Variants in MRPS15 observed in about 807,000 individuals in gnomAD.
MRPS15 encodes small ribosomal subunit protein uS15m.
MRPS15 carries 25 observed loss-of-function variants against 30.7 expected under a neutral mutation model. That is an observed-to-expected ratio of 0.81 (90% CI 0.59 to 1.14). The LOEUF (loss-of-function observed/expected upper bound fraction) is 1.14. MRPS15 is among the 50% of genes most tolerant of loss of function. MRPS15 has a pLI of 0.00. For synonymous variants in MRPS15, 124 were observed against 120.1 expected, an observed-to-expected ratio of 1.03 and a Z score of -0.21; for missense variants, 313 against 321.7, an observed-to-expected ratio of 0.97 and a Z score of 0.21.
At chr1:36,462,184 T>C in intron 2 of MRPS15, 21 bp from the exon 3 acceptor site, 2 of 1,590,360 alleles carry the variant, frequency 1.3e-6, no homozygotes, top group Non-Finnish European at 8.6e-7. Flanking sequence ...AATATGGGGA[T>C]AGAAAACACC....
At chr1:36,459,522 A>G (rs1209166005) in intron 5 of MRPS15, 1 of 152,224 alleles carries the variant, frequency 6.6e-6, no homozygotes, top group African/African-American at 2.4e-5. Context: ...TAATGCAGAA[A>G]CAGGTGAGGA....
intron 6 of MRPS15, 113 bp from the exon 7 acceptor site, chr1:36,456,491 T>TTCTGCAGA: frequency 1.0e-6 from 1 of 996,718 alleles, no homozygotes; most frequent in Non-Finnish European, 1.4e-6. Flanking sequence ...CTTATGCAAA[T>TTCTGCAGA]ATTAATGCAA....
intron 5 of MRPS15, among the ~76,000 whole-genome samples, chr1:36,460,207 C>T (rs1650067851): frequency 1.3e-5 from 2 of 152,184 alleles, no homozygotes; most frequent in Admixed American, 1.3e-4. Context: ...CGGGGTTTCA[C>T]CGTGTTAGCC....
chr1:36,461,229 C>T (rs748524384), intron 4 of MRPS15, 35 bp downstream of exon 4: 16 of 1,612,262 alleles, frequency 9.9e-6, no homozygotes, highest in Non-Finnish European at 1.4e-5. Context: ...GAGGAGAAGA[C>T]TGCGGGAGGC....
intron 5 of MRPS15, among the ~76,000 whole-genome samples, chr1:36,459,870 G>A (rs1650061640): frequency 6.6e-6 from 1 of 152,214 alleles, no homozygotes; most frequent in Non-Finnish European, 1.5e-5. Context: ...ACTGCACCCA[G>A]AGAGAGGGGG....
intron 3 of MRPS15, 29 bp downstream of exon 3, chr1:36,462,059 C>T (rs1650109567): frequency 6.3e-7 from 1 of 1,595,156 alleles, no homozygotes; most frequent in Non-Finnish European, 8.6e-7. Context: ...GGGCCCCCTG[C>T]CTCCTCTACT....
chr1:36,460,502 A>G (rs1279278327), intron 5 of MRPS15, among the ~76,000 whole-genome samples, 190 bp downstream of exon 5: 2 of 152,308 alleles, frequency 1.3e-5, no homozygotes, highest in East Asian at 3.9e-4. Flanking sequence ...ACACAGTGGT[A>G]CAAGGTCCAA....
intron 1 of MRPS15, 58 bp downstream of exon 1, chr1:36,464,088 C>A: frequency 6.3e-7 from 1 of 1,594,680 alleles, no homozygotes; most frequent in Non-Finnish European, 8.6e-7. Context: ...TTCCTTATTC[C>A]CTATCTTCGC....
At chr1:36,461,646 C>T (rs1286367940) in intron 3 of MRPS15, among the ~76,000 whole-genome samples, 1 of 152,148 alleles carries the variant, frequency 6.6e-6, no homozygotes, top group Non-Finnish European at 1.5e-5. Flanking sequence ...CTGACCAGCT[C>T]CCACCACACT....
chr1:36,463,869 G>A lies in MRPS15; in HGVS notation c.131-19C>T, dbSNP rs1650151334. ...AGGAGACCTACGCAGAAAAGAGAGG[G>A]CTGAGGACCATCTCCTTAAATAGCC... On this transcript the variant is annotated intron_variant, in intron 1 of 7. Transcript: ENST00000373116. 6.2e-7 allele frequency: 1 copy of A among 1,607,164 alleles called. No homozygotes were observed. The highest frequency in any genetic ancestry group is 1.1e-5 in the South Asian group (1 of 90,628).
intron 3 of MRPS15, among the ~76,000 whole-genome samples, chr1:36,461,709 T>A (rs1403138170): frequency 6.6e-6 from 1 of 152,232 alleles, no homozygotes; most frequent in Admixed American, 6.5e-5. Context: ...AGCCCTGGAT[T>A]CAAACTCTAG....
chr1:36,456,200 G>C lies in MRPS15; in HGVS notation c.623C>G (p.Ala208Gly). 6.2e-7 allele frequency: 1 copy of C among 1,610,776 alleles called. No homozygotes were observed. The change falls in exon 7 of 8, where the codon GCT becomes GGT. Residue 208 changes from alanine to glycine, a missense_variant. Ala to Gly is a moderately conservative substitution (Grantham distance 60). Transcript: ENST00000373116. ...TCTGACTCGTACCCGAATGCACAGA[G>C]CCTTCTTGGTCACGAATCGGCGGTG... ...RAHRRFVTKK[A>G]LCIRVFQETQ... is the part of the protein sequence containing the mutation.
At chr1:36,456,849 C>T (rs554418836) in intron 6 of MRPS15, among the ~76,000 whole-genome samples, 1 of 152,352 alleles carries the variant, frequency 6.6e-6, no homozygotes, top group South Asian at 2.1e-4. Flanking sequence ...AAGAAGCAGG[C>T]TCCAGGGAAC....
intron 6 of MRPS15, 51 bp from the exon 7 acceptor site, chr1:36,456,429 C>T: frequency 9.1e-6 from 13 of 1,426,162 alleles, no homozygotes; most frequent in Non-Finnish European, 1.2e-5. Context: ...TACTGTTGTT[C>T]ACAGTAACAA....
Position 36,460,771 on chromosome 1 carries a change from C to G in MRPS15, c.306G>C (p.Glu102Asp), listed in dbSNP as rs774276263. The G allele has an allele frequency of 5.0e-6, 8 of 1,613,812 alleles. No homozygotes were observed. In the South Asian group the frequency reaches 8.8e-5, roughly 18 times the overall value. ...LLSLEMANKK[E>D]MLKIKQEQFM... ...ACTGTTCTTGCTTGATTTTTAGCAT[C>G]TCCTTCTGTTGAAGACAGAGACAGA... The change falls in exon 5 of 8, where the codon GAG (glutamate) becomes GAC (aspartate). Residue 102 changes from glutamate (E) to aspartate (D), a missense_variant. Transcript: ENST00000373116.
At chr1:36,460,911 A>G (rs528181550) in intron 4 of MRPS15, 135 bp from the exon 5 acceptor site, 7 of 737,798 alleles carry the variant, frequency 9.5e-6, no homozygotes, top group Non-Finnish European at 1.6e-5. Flanking sequence ...CACTCTGCTC[A>G]CTGTGGCCTT....
At chr1:36,464,028 C>G in intron 1 of MRPS15, 118 bp downstream of exon 1, 1 of 1,519,378 alleles carries the variant, frequency 6.6e-7, no homozygotes, top group Non-Finnish European at 8.9e-7. Flanking sequence ...GCGCAACCAC[C>G]GCCCTTTCCC....
rs1278449426 is a variant in MRPS15, at chr1:36,457,959, G to C, written c.408C>G (p.Ile136Met). 6.2e-7 allele frequency: 1 copy of C among 1,614,224 alleles called. No homozygotes were observed. The highest frequency in any genetic ancestry group is 8.5e-7 in the Non-Finnish European group (1 of 1,180,038). ...TCTCCAAGTGTTCTTCATAACTGCG[G>C]ATCTTGACAGACAAGGCAATAACTG... ...EARIIALSVK[I>M]RSYEEHLEKH... The change falls in exon 6 of 8, where the codon ATC becomes ATG. Residue 136 changes from isoleucine to methionine, a missense_variant. Physicochemically the swap from Ile to Met is conservative, Grantham distance 10. Coordinates refer to ENST00000373116, the MANE Select transcript of MRPS15 (RefSeq NM_031280.4).
chr1:36,462,194 C>G (rs757805766), intron 2 of MRPS15, 31 bp from the exon 3 acceptor site: 1 of 1,555,706 alleles, frequency 6.4e-7, no homozygotes, highest in South Asian at 1.1e-5. Flanking sequence ...TAGAAAACAC[C>G]CAGAGTCAAC....
Sources: allele counts gnomAD v4.1 joint callset (sites outside exome capture counted in the v4.1 genomes callset), GRCh38; gene constraint gnomAD v4.1.1; transcripts MANE v1.5; gene names NCBI Gene and HGNC (gene_info 2026-07-23, HGNC 2026-07-21).